Variants in FHIT observed in about 807,000 individuals in gnomAD.
The protein encoded by FHIT is bis(5'-adenosyl)-triphosphatase.
In FHIT, 19 loss-of-function variants were observed where a neutral mutation model predicts 17.9. The ratio of observed to expected loss-of-function variants is 1.06; its 90% CI spans 0.74 to 1.56. The LOEUF (loss-of-function observed/expected upper bound fraction) is 1.56, where lower values mean the gene tolerates loss of function less well. FHIT is among the 40% of genes most tolerant of loss of function. FHIT has a pLI of 0.00. For synonymous variants in FHIT, 81 were observed against 69.7 expected (o/e 1.16, Z -0.81); for missense variants, 248 against 189.2 (o/e 1.31, Z -1.82).
chr3:59,868,348 T>C (rs1025567783), intron 8 of FHIT, among the ~76,000 whole-genome samples: 9 of 151,892 alleles, frequency 5.9e-5, no homozygotes, highest in African/African-American at 2.2e-4. Flanking sequence ...AAAAAAAAAA[T>C]TGTTTTCTCC....
intron 5 of FHIT, among the ~76,000 whole-genome samples, chr3:60,093,956 T>C (rs1029538977): frequency 1.3e-5 from 2 of 152,166 alleles, no homozygotes. Flanking sequence ...CAAATACAAG[T>C]GAGTGCCTCT....
At chr3:60,756,543 G>T (rs1254677259) in intron 4 of FHIT, among the ~76,000 whole-genome samples, 1 of 152,124 alleles carries the variant, frequency 6.6e-6, no homozygotes, top group Admixed American at 6.5e-5. Context: ...CTCAGAATAT[G>T]GACATGAGAT....
intron 4 of FHIT, among the ~76,000 whole-genome samples, chr3:60,715,478 G>A (rs1038297931): frequency 2.6e-5 from 4 of 151,962 alleles, no homozygotes; most frequent in Admixed American, 1.3e-4. Flanking sequence ...GTAGGGACAT[G>A]GATGAAATTG....
At chr3:60,663,431 A>T (rs1223215262) in intron 4 of FHIT, among the ~76,000 whole-genome samples, 1 of 150,764 alleles carries the variant, frequency 6.6e-6, no homozygotes, top group African/African-American at 2.4e-5. Flanking sequence ...GTTTTTATTT[A>T]CTTATTTATT....
intron 5 of FHIT, among the ~76,000 whole-genome samples, chr3:60,489,518 G>C (rs946323010): frequency 6.6e-6 from 1 of 152,110 alleles, no homozygotes; most frequent in Non-Finnish European, 1.5e-5. Context: ...GGCCTAAGGA[G>C]CCTATAGCAT....
At chr3:60,659,211 T>A (rs1021654866) in intron 4 of FHIT, among the ~76,000 whole-genome samples, 1 of 152,104 alleles carries the variant, frequency 6.6e-6, no homozygotes. Context: ...TCTCTCTTTG[T>A]CTTTCAACAG....
chr3:60,893,878 G>C (rs1232300059), intron 3 of FHIT, among the ~76,000 whole-genome samples: 1 of 152,168 alleles, frequency 6.6e-6, no homozygotes, highest in East Asian at 1.9e-4. Context: ...CACCACATAG[G>C]GGTTAGGACA....
chr3:59,823,169 T>G (rs1196571202), intron 8 of FHIT, among the ~76,000 whole-genome samples: 1 of 152,122 alleles, frequency 6.6e-6, no homozygotes, highest in African/African-American at 2.4e-5. Context: ...TGCCTATTTT[T>G]AACCATGCTG....
At chr3:60,699,052 C>G (rs1404877264) in intron 4 of FHIT, among the ~76,000 whole-genome samples, 2 of 152,058 alleles carry the variant, frequency 1.3e-5, no homozygotes, top group Non-Finnish European at 2.9e-5. Flanking sequence ...CAATCTGTAT[C>G]ATTATACAAA....
At chr3:61,203,203 G>C (rs184955463) in intron 1 of FHIT, among the ~76,000 whole-genome samples, 10,087 of 99,030 alleles carry the variant, frequency 0.1, 407 homozygotes, top group Admixed American at 0.14. Flanking sequence ...AAAAAAATTA[G>C]CTGGGCGTGG....
intron 3 of FHIT, among the ~76,000 whole-genome samples, chr3:60,919,997 G>A (rs1244780684): frequency 8.8e-4 from 133 of 150,900 alleles, no homozygotes; most frequent in African/African-American, 2.9e-3. Flanking sequence ...TTGCACCACT[G>A]CACTCCAGCC....
intron 5 of FHIT, among the ~76,000 whole-genome samples, chr3:60,182,376 T>C (rs1224178860): frequency 6.6e-6 from 1 of 152,206 alleles, no homozygotes; most frequent in Non-Finnish European, 1.5e-5. Flanking sequence ...CACTGCCTAT[T>C]AGCATCTTTA....
At chr3:60,945,404 T>C (rs1320144338) in intron 3 of FHIT, among the ~76,000 whole-genome samples, 3 of 118,658 alleles carry the variant, frequency 2.5e-5, no homozygotes, top group Admixed American at 9.7e-5. Context: ...AGGTTTTTTG[T>C]TTTGCTTTGA....
chr3:60,235,316 C>T (rs1019156655), intron 5 of FHIT, among the ~76,000 whole-genome samples: 21 of 151,456 alleles, frequency 1.4e-4, no homozygotes, highest in Admixed American at 6.6e-4. Flanking sequence ...CTGCAACCTC[C>T]GCCTCCTGGG....
chr3:60,373,740 G>A (rs1251773305), intron 5 of FHIT, among the ~76,000 whole-genome samples: 1 of 152,154 alleles, frequency 6.6e-6, no homozygotes. Context: ...TTCATTAGAA[G>A]CCCCTCGGCT....
chr3:61,079,160 T>C (rs2035056584), intron 2 of FHIT, among the ~76,000 whole-genome samples: 1 of 152,182 alleles, frequency 6.6e-6, no homozygotes, highest in Non-Finnish European at 1.5e-5. Context: ...AAAAAGTTGT[T>C]TGCAGTCACA....
intron 5 of FHIT, among the ~76,000 whole-genome samples, chr3:60,168,945 T>C (rs1701300663): frequency 6.6e-6 from 1 of 152,158 alleles, no homozygotes; most frequent in Non-Finnish European, 1.5e-5. Context: ...ACTTGACATA[T>C]CGGGATGTGT....
chr3:59,771,849 T>A (rs49411), intron 8 of FHIT, among the ~76,000 whole-genome samples: 1 of 152,092 alleles, frequency 6.6e-6, no homozygotes, highest in East Asian at 1.9e-4. Flanking sequence ...TAGAATCTGA[T>A]CAAAGCTATG....
At chr3:60,895,669 T>C (rs1597100) in intron 3 of FHIT, among the ~76,000 whole-genome samples, 3,314 of 20,108 alleles carry the variant, frequency 0.16, 75 homozygotes, top group African/African-American at 0.2. Flanking sequence ...TTCCTTCCTT[T>C]CTTTCTTTCT....
Sources: allele counts gnomAD v4.1 joint callset (sites outside exome capture counted in the v4.1 genomes callset), GRCh38; gene constraint gnomAD v4.1.1; transcripts MANE v1.5; gene names NCBI Gene and HGNC (gene_info 2026-07-23, HGNC 2026-07-21).